The following AMZ1 variants were observed in gnomAD, a reference collection of about 807,000 sequenced individuals.
AMZ1 encodes archaemetzincin-1.
A neutral mutation model predicts 29.9 loss-of-function variants in AMZ1; 39 were observed. The ratio of observed to expected loss-of-function variants is 1.30; its 90% confidence interval spans 1.01 to 1.70. The LOEUF (loss-of-function observed/expected upper bound fraction) is 1.70, where lower values mean the gene tolerates loss of function less well. AMZ1 is among the 40% of genes most tolerant of loss of function. The probability of loss-of-function intolerance (pLI) is 0.00; values close to 1 mark genes in which losing one functional copy is unlikely to be tolerated. For missense variants in AMZ1, 1,041 were observed against 680.6 expected (o/e 1.53, Z -5.89); for synonymous variants, 458 against 304.0 (o/e 1.51, Z -5.27).
At chr7:2,707,464 C>T (rs1187582381) in intron 3 of AMZ1, among the ~76,000 whole-genome samples, 1 of 152,050 alleles carries the variant, frequency 6.6e-6, no homozygotes, top group Non-Finnish European at 1.5e-5. Context: ...GCCCCCTTCC[C>T]TCCCTGGGCT....
At chr7:2,710,512 G>T (rs1485347132) in intron 6 of AMZ1, among the ~76,000 whole-genome samples, 1 of 152,230 alleles carries the variant, frequency 6.6e-6, no homozygotes, top group Non-Finnish European at 1.5e-5. Context: ...TGAGGCAAGT[G>T]GGGGTGTGGT....
chr7:2,706,534 C>A (rs947064305), intron 3 of AMZ1, among the ~76,000 whole-genome samples: 1 of 152,188 alleles, frequency 6.6e-6, no homozygotes, highest in Non-Finnish European at 1.5e-5. Flanking sequence ...CAGAAGGCTC[C>A]GTGGAGGGTG....
At chr7:2,734,121 A>G (rs1390112311) in intron 4 of AMZ1, among the ~76,000 whole-genome samples, 1 of 152,144 alleles carries the variant, frequency 6.6e-6, no homozygotes, top group Non-Finnish European at 1.5e-5. Context: ...CCAATCATCG[A>G]TACAATCTGA....
rs112528598 is a variant in AMZ1 at position 2,709,684 on chromosome 7, C to T, written c.816C>T (p.Cys272=). The change falls in exon 6 of 7, where the codon TGC becomes TGT. Residue 272 remains cysteine, a synonymous_variant. Coordinates refer to ENST00000683327, the MANE Select transcript of AMZ1 (RefSeq NM_001384743.1). ...ELCHLLGLGN[C]RWLRCLMQGA... The stretch of plus-strand genomic sequence containing the variant: ...GCCACCTTCTGGGCCTGGGGAACTG[C>T]CGCTGGCTCCGCTGCCTCATGCAGG... 4.2e-4 allele frequency: 676 copies of T among 1,610,764 alleles called. 2 individuals carry two copies. The African/African-American group carries it at 8.0e-3, about 19-fold the overall frequency.
chr7:2,745,037 A>C (rs965436284), intron 4 of AMZ1, among the ~76,000 whole-genome samples: 2 of 152,202 alleles, frequency 1.3e-5, no homozygotes, highest in African/African-American at 4.8e-5. Flanking sequence ...CCAAATCTAC[A>C]TCTGATTGGT....
intron 1 of AMZ1, among the ~76,000 whole-genome samples, chr7:2,696,501 C>A (rs940088820): frequency 6.7e-6 from 1 of 150,252 alleles, no homozygotes; most frequent in South Asian, 2.2e-4. Flanking sequence ...TCGTGATCTG[C>A]CCGCCTGGGC....
chr7:2,691,963 C>T (rs1460297577), intron 1 of AMZ1, among the ~76,000 whole-genome samples: 1 of 152,114 alleles, frequency 6.6e-6, no homozygotes, highest in Non-Finnish European at 1.5e-5. Flanking sequence ...TCTGAGCTGG[C>T]TGCGGCGCTA....
chr7:2,724,113 G>C (rs1789532483), downstream of AMZ1, among the ~76,000 whole-genome samples: 2 of 150,576 alleles, frequency 1.3e-5, no homozygotes, highest in Admixed American at 1.3e-4. Flanking sequence ...GGGGGGGCGG[G>C]TCTCACCATC....
chr7:2,687,323 T>A (rs1295009150), upstream of AMZ1, among the ~76,000 whole-genome samples: 4 of 149,848 alleles, frequency 2.7e-5, no homozygotes, highest in Admixed American at 6.6e-5. Context: ...CGAGACTCCA[T>A]CTAAAAAAAA....
At chr7:2,762,944 G>T, upstream of AMZ1, 1 of 1,380,386 alleles carries the variant, frequency 7.2e-7, no homozygotes. Flanking sequence ...ACACTCCCGT[G>T]GGGCCCGTGC....
At chr7:2,696,483 TC>T (rs1404118680) in intron 1 of AMZ1, among the ~76,000 whole-genome samples, 2 of 150,608 alleles carry the variant, frequency 1.3e-5, no homozygotes, top group South Asian at 2.2e-4. Context: ...GGTCTCGATC[TC>T]CTGACCTCGT....
chr7:2,759,485 TTAC>T (rs1258628632), intron 4 of AMZ1, among the ~76,000 whole-genome samples: 1 of 152,202 alleles, frequency 6.6e-6, no homozygotes, highest in African/African-American at 2.4e-5. Flanking sequence ...AAGTGGTAAG[TTAC>T]TACTGTTTAG....
At position 2,695,078 on chromosome 7, in the gene AMZ1, T is replaced by C. The variant is rs181207580; in HGVS notation, c.-218-5156T>C. Among the ~76,000 whole-genome samples, 21 of 152,352 alleles carry C rather than the reference T, an allele frequency of 1.4e-4. No individual in the cohort carries two copies. The East Asian group carries it at 3.3e-3, about 24-fold the overall frequency. On this transcript the variant is annotated intron_variant, in intron 1 of 6. Coordinates refer to ENST00000683327, the MANE Select transcript of AMZ1 (RefSeq NM_001384743.1). ...ACTGATCGTGCATCTCAGCTGCTTC[T>C]GGCTGACTTGGGTCTGTCCTCACGG...
intron 4 of AMZ1, among the ~76,000 whole-genome samples, chr7:2,739,012 C>A (rs889995897): frequency 5.9e-5 from 9 of 152,170 alleles, no homozygotes; most frequent in African/African-American, 2.2e-4. Flanking sequence ...CCAGGAAGAG[C>A]TGCACAGGGT....
At chr7:2,710,599 G>A (rs1461352151) in intron 6 of AMZ1, among the ~76,000 whole-genome samples, 2 of 152,198 alleles carry the variant, frequency 1.3e-5, no homozygotes, top group Non-Finnish European at 2.9e-5. Context: ...GTGAGGAGCT[G>A]TATCTTGCAG....
At position 2,689,514 on chromosome 7, in the gene AMZ1, C is replaced by T. The variant is rs184555206; in HGVS notation, c.-219+1218C>T. ...GTGCTCTGGGAGAGGAGACGTCCTA[C>T]CCCCTGTCCCCGTCAGAACATCCCT... On this transcript the variant is annotated intron_variant, in intron 1 of 6. Transcript: ENST00000683327. Among the ~76,000 whole-genome samples, 36 of 152,334 alleles carry T rather than the reference C, an allele frequency of 2.4e-4. No homozygotes were observed. The East Asian group carries it at 6.8e-3, about 29-fold the overall frequency.
downstream of AMZ1, among the ~76,000 whole-genome samples, chr7:2,720,905 C>G (rs112713013): frequency 4.1e-3 from 617 of 152,292 alleles, 1 homozygote; most frequent in Non-Finnish European, 7.1e-3. Flanking sequence ...TTTTGAACTC[C>G]TGGGCTCAGG....
chr7:2,709,567 TG>T, intron 5 of AMZ1, 72 bp from the exon 6 acceptor site: 1 of 1,550,040 alleles, frequency 6.5e-7, no homozygotes, highest in Non-Finnish European at 8.7e-7. Flanking sequence ...TTGGTCCTGC[TG>T]GGGCTGCCTG....
rs372248862 is a variant in AMZ1 at position 2,752,983 on chromosome 7, C to T, written n.551-11729C>T. 5.4e-4 allele frequency among the ~76,000 whole-genome samples: 83 copies of T among 152,298 alleles called. No individual in the cohort carries two copies. The South Asian group carries it at 7.2e-3, about 13-fold the overall frequency. On this transcript the variant is annotated intron_variant and non_coding_transcript_variant, in intron 4 of 4. Transcript: ENST00000489665. ...ACTGTCCCACCACAACGGTCTCCCT[C>T]GTGCTACCAATTTATAATCACAGCC...
Sources: gnomAD v4.1 joint callset for allele counts (sites outside exome capture counted in the v4.1 genomes callset) on GRCh38, gnomAD v4.1.1 for gene constraint, MANE v1.5 for transcripts, NCBI Gene and HGNC (gene_info 2026-07-23, HGNC 2026-07-21) for gene names.